The following CDC42BPA variants were observed in gnomAD, a reference collection of about 807,000 sequenced individuals.
The protein encoded by CDC42BPA is serine/threonine-protein kinase MRCK alpha.
CDC42BPA carries 80 observed loss-of-function variants against 223.5 expected under a neutral mutation model. The ratio of observed to expected loss-of-function variants is 0.36; its 90% CI spans 0.30 to 0.43. The LOEUF (loss-of-function observed/expected upper bound fraction) is 0.43, where lower values mean the gene tolerates loss of function less well. Among genes scored for constraint, CDC42BPA ranks in the 20% least tolerant of loss-of-function variants. CDC42BPA has a pLI of 1.00. For synonymous variants in CDC42BPA, 694 were observed against 718.6 expected (o/e 0.97, Z 0.55); for missense variants, 1,743 against 2,099.9 (o/e 0.83, Z 3.32).
intron 2 of CDC42BPA, among the ~76,000 whole-genome samples, chr1:227,220,980 A>G (rs1285045123): frequency 1.3e-5 from 2 of 152,222 alleles, no homozygotes; most frequent in African/African-American, 4.8e-5. Flanking sequence ...AGAGTAGTAC[A>G]TGCTTGCTTT....
At chr1:227,073,716 A>G in intron 19 of CDC42BPA, 148 bp downstream of exon 19, 1 of 599,392 alleles carries the variant, frequency 1.7e-6, no homozygotes, top group Non-Finnish European at 2.8e-6. Flanking sequence ...CAAGGCTTAA[A>G]AGCATCTAGT....
chr1:227,269,428 T>G (rs199514715), intron 1 of CDC42BPA, among the ~76,000 whole-genome samples: 2 of 152,318 alleles, frequency 1.3e-5, no homozygotes, highest in East Asian at 3.9e-4. Flanking sequence ...GAAAATATAA[T>G]GGAGCATATT....
intron 5 of CDC42BPA, among the ~76,000 whole-genome samples, chr1:227,164,233 C>A (rs572359023): frequency 1.3e-5 from 2 of 152,190 alleles, no homozygotes; most frequent in Admixed American, 6.5e-5. Flanking sequence ...AGCTTCCTAT[C>A]GGCAGAGCAT....
At chr1:227,292,993 A>G (rs574051246) in intron 1 of CDC42BPA, among the ~76,000 whole-genome samples, 17 of 152,326 alleles carry the variant, frequency 1.1e-4, no homozygotes, top group Admixed American at 3.9e-4. Context: ...AATTGTATCT[A>G]AAGTTGGAGT....
intron 6 of CDC42BPA, among the ~76,000 whole-genome samples, chr1:227,150,632 G>C (rs1661564606): frequency 6.6e-6 from 1 of 152,022 alleles, no homozygotes; most frequent in African/African-American, 2.4e-5. Flanking sequence ...GATACTAGAA[G>C]CAATTATGAA....
Position 227,045,578 on chromosome 1 carries a change from C to G in CDC42BPA, c.3093+2349G>C, listed in dbSNP as rs1437817955. ...CTTTTCTTTTTTCTGTCTTCCCTTTCAGGAACTTCTACTTGTTGGATATGG... is the reference window on the plus strand; with the variant it reads ...CTTTTCTTTTTTCTGTCTTCCCTTTGAGGAACTTCTACTTGTTGGATATGG... On this transcript the variant is annotated intron_variant, in intron 23 of 36. Transcript: ENST00000366766. Among the ~76,000 whole-genome samples the G allele has an allele frequency of 2.0e-5, 3 of 152,124 alleles. No individual in the cohort carries two copies. The East Asian group carries it at 5.8e-4, about 29-fold the overall frequency.
At chr1:227,135,623 G>A (rs1016263167) in intron 10 of CDC42BPA, among the ~76,000 whole-genome samples, 33 of 152,218 alleles carry the variant, frequency 2.2e-4, no homozygotes, top group African/African-American at 7.5e-4. Flanking sequence ...GGGAGGCTGA[G>A]ACGGGCGGAT....
chr1:227,110,504 G>A (rs1190500615), intron 14 of CDC42BPA, among the ~76,000 whole-genome samples: 1 of 152,154 alleles, frequency 6.6e-6, no homozygotes, highest in Non-Finnish European at 1.5e-5. Flanking sequence ...TCATGTGAAT[G>A]AAAGTTAGAA....
chr1:227,207,515 C>G (rs1673002052), intron 3 of CDC42BPA, among the ~76,000 whole-genome samples: 1 of 102,346 alleles, frequency 9.8e-6, no homozygotes, highest in African/African-American at 3.8e-5. Flanking sequence ...TCCCTCCCCC[C>G]TCCCCCCACC....
intron 5 of CDC42BPA, among the ~76,000 whole-genome samples, chr1:227,163,110 A>ATGTGTGTATGTTTCCAAACATATG (rs1664377387): frequency 7.0e-6 from 1 of 143,304 alleles, no homozygotes; most frequent in Non-Finnish European, 1.5e-5. Flanking sequence ...CCAAACATAT[A>ATGTGTGTATGTTTCCAAACATATG]TGTGTGTATG....
chr1:227,104,917 T>C (rs1256226104), intron 14 of CDC42BPA, among the ~76,000 whole-genome samples: 1 of 152,068 alleles, frequency 6.6e-6, no homozygotes, highest in Non-Finnish European at 1.5e-5. Context: ...CCACCCAGTG[T>C]GTGGTACTTC....
At chr1:227,089,206 T>C (rs1682579413) in intron 16 of CDC42BPA, among the ~76,000 whole-genome samples, 1 of 152,216 alleles carries the variant, frequency 6.6e-6, no homozygotes. Context: ...TGTAATTCTG[T>C]CAAGAAGAGA....
intron 23 of CDC42BPA, among the ~76,000 whole-genome samples, chr1:227,045,659 G>C (rs1558365611): frequency 6.6e-6 from 1 of 151,974 alleles, no homozygotes. Context: ...TATTTTCTAA[G>C]AGAATTCTCA....
chr1:227,082,452 C>A (rs1191361473), intron 16 of CDC42BPA, among the ~76,000 whole-genome samples: 2 of 151,956 alleles, frequency 1.3e-5, no homozygotes, highest in Non-Finnish European at 2.9e-5. Flanking sequence ...CGGTGGCTCA[C>A]ACCTGTAATC....
rs970083911 is a variant in CDC42BPA at position 227,246,515 on chromosome 1, C to T, written c.270+7549G>A. Among the ~76,000 whole-genome samples the T allele has an allele frequency of 3.3e-5, 5 of 152,070 alleles. No homozygotes were observed. In the South Asian group the frequency reaches 6.2e-4, roughly 19 times the overall value. ...ACCAAATCCCCAGAGTTCCAGGTGG[C>T]TCGATACAGAAAGAAAGACCCAATA... On this transcript the variant is annotated intron_variant, in intron 2 of 36. Transcript: ENST00000366766.
chr1:227,254,992 G>A (rs1161359495), intron 1 of CDC42BPA, among the ~76,000 whole-genome samples: 1 of 152,132 alleles, frequency 6.6e-6, no homozygotes, highest in Non-Finnish European at 1.5e-5. Context: ...AGAATTGTGA[G>A]AAGAAATGCA....
intron 31 of CDC42BPA, among the ~76,000 whole-genome samples, chr1:227,025,631 T>TA (rs1388439589): frequency 1.3e-5 from 2 of 152,156 alleles, no homozygotes; most frequent in African/African-American, 4.8e-5. Context: ...TATGGACACT[T>TA]AAACAGTTTT....
In CDC42BPA at chr1:227,028,676, T is replaced by C; in HGVS notation, c.4413A>G (p.Pro1471=). The C allele has an allele frequency of 6.4e-7, 1 of 1,566,928 alleles. No individual in the cohort carries two copies. Among genetic ancestry groups the C allele is most frequent in the South Asian group, 1.2e-5 (1 of 84,538 alleles). ...TCTTACAACAAGAGGAAGGATTTGC[T>C]GGCCACATCAATTCCTGTTGTCTAG... is the stretch of plus-strand genomic sequence containing the variant. ...RRSRQQELMW[P]ANPSSCCYNA... Residue 1471 remains proline, a synonymous_variant, in exon 30 of 37, where the codon CCA becomes CCG. Transcript: ENST00000366766.
At chr1:227,230,666 A>G (rs1278874471) in intron 2 of CDC42BPA, among the ~76,000 whole-genome samples, 2 of 152,060 alleles carry the variant, frequency 1.3e-5, no homozygotes, top group East Asian at 3.9e-4. Context: ...TTGTAAGATG[A>G]TCCCTTAACT....
Sources: allele counts gnomAD v4.1 joint callset (sites outside exome capture counted in the v4.1 genomes callset), GRCh38; gene constraint gnomAD v4.1.1; transcripts MANE v1.5; gene names NCBI Gene and HGNC (gene_info 2026-07-23, HGNC 2026-07-21).